CACNA1H: variants seen among roughly 807,000 people sequenced by gnomAD.
CACNA1H encodes the protein calcium voltage-gated channel subunit alpha1 H.
Under a neutral mutation model 192.5 loss-of-function variants are expected in CACNA1H, and 149 were observed. That is an observed-to-expected ratio of 0.77 (90% CI 0.68 to 0.89). The LOEUF (loss-of-function observed/expected upper bound fraction) is 0.89. Among genes scored for constraint, CACNA1H ranks in the 40% least tolerant of loss-of-function variants. The pLI, the probability that CACNA1H is intolerant of heterozygous loss-of-function variation, is 0.00. For synonymous variants in CACNA1H, 2,202 were observed against 1,475.2 expected, an observed-to-expected ratio of 1.49 and a Z score of -11.29; for missense variants, 4,257 against 3,423.5, an observed-to-expected ratio of 1.24 and a Z score of -6.08.
At position 1,211,474 on chromosome 16, in the gene CACNA1H, C is replaced by T. The variant is rs757005584; in HGVS notation, c.4351-7C>T. 10 of 1,612,288 alleles carry T rather than the reference C, an allele frequency of 6.2e-6. No homozygotes were observed. In the Admixed American group the frequency reaches 1.0e-4, roughly 16 times the overall value. The stretch of plus-strand genomic sequence containing the variant: ...GGCCCTCCGCGGTGACCGTCGCACC[C>T]CGTCAGCTCTTCAAAGGGAAGTTCT... On this transcript the variant is annotated splice_region_variant and splice_polypyrimidine_tract_variant and intron_variant, in intron 22 of 34. Coordinates refer to ENST00000348261, the MANE Select transcript of CACNA1H (RefSeq NM_021098.3).
At chr16:1,205,817 A>T (rs1329994407) in intron 11 of CACNA1H, among the ~76,000 whole-genome samples, 3 of 152,164 alleles carry the variant, frequency 2.0e-5, no homozygotes, top group African/African-American at 7.2e-5. Context: ...AAGGCCCAGG[A>T]TAGGAGAGCG....
chr16:1,213,731 A>G, intron 26 of CACNA1H, 49 bp from the exon 27 acceptor site: 2 of 1,429,972 alleles, frequency 1.4e-6, no homozygotes, highest in Non-Finnish European at 9.2e-7. Flanking sequence ...AGGAGCCAGG[A>G]GCGCCGGGCG....
chr16:1,177,243 C>G (rs911416840), intron 2 of CACNA1H, among the ~76,000 whole-genome samples: 2 of 152,218 alleles, frequency 1.3e-5, no homozygotes, highest in African/African-American at 4.8e-5. Flanking sequence ...CTGCTGTCCC[C>G]CAGGCCTCTC....
Position 1,213,852 on chromosome 16 carries a change from A to G in CACNA1H, c.4850A>G (p.His1617Arg), listed in dbSNP as rs1193717598. Reference sequence around the variant, plus strand: ...TCCATTCACTCGCTGTGCACCAGCCACTATCTCGACCTCTTCATCACCTTC... The same window carrying G: ...TCCATTCACTCGCTGTGCACCAGCCGCTATCTCGACCTCTTCATCACCTTC... Reference protein sequence around the residue: ...RRSIHSLCTSHYLDLFITFII... With the variant: ...RRSIHSLCTSRYLDLFITFII... Residue 1617 changes from histidine (H) to arginine (R), a missense_variant, in exon 27 of 35, where the codon CAC becomes CGC. Physicochemically the swap from His to Arg is conservative, Grantham distance 29. Transcript: ENST00000348261. 8 of 1,608,340 alleles carry G rather than the reference A, an allele frequency of 5.0e-6. No individual in the cohort carries two copies. The highest frequency in any genetic ancestry group is 6.8e-6 in the Non-Finnish European group (8 of 1,177,974).
At chr16:1,165,970 T>C (rs1397999009) in intron 2 of CACNA1H, among the ~76,000 whole-genome samples, 1 of 151,418 alleles carries the variant, frequency 6.6e-6, no homozygotes, top group East Asian at 1.9e-4. Flanking sequence ...CATCTTTTAA[T>C]TGTGGTGGCT....
At chr16:1,171,644 A>G (rs531169501) in intron 2 of CACNA1H, among the ~76,000 whole-genome samples, 6 of 152,182 alleles carry the variant, frequency 3.9e-5, no homozygotes, top group African/African-American at 1.4e-4. Flanking sequence ...CCAGTTTGCC[A>G]AGGCCGCCTG....
At chr16:1,154,682 G>C (rs1357577309) in intron 2 of CACNA1H, among the ~76,000 whole-genome samples, 1 of 152,186 alleles carries the variant, frequency 6.6e-6, no homozygotes, top group Non-Finnish European at 1.5e-5. Flanking sequence ...AATTGGCACT[G>C]CCAAGGGGGA....
chr16:1,203,514 T>G (rs1485252197), intron 9 of CACNA1H, among the ~76,000 whole-genome samples: 1 of 152,134 alleles, frequency 6.6e-6, no homozygotes, highest in Admixed American at 6.5e-5. Context: ...CCCAGGTGTG[T>G]GCCCAAATGT....
At chr16:1,211,324 G>A in intron 22 of CACNA1H, 30 bp downstream of exon 22, 2 of 1,612,156 alleles carry the variant, frequency 1.2e-6, no homozygotes. Flanking sequence ...CCGGGGGTCT[G>A]CCCCGTCGCA....
Position 1,215,364 on chromosome 16 carries a change from G to A in CACNA1H, c.5162G>A (p.Arg1721His), listed in dbSNP as rs747789914. The change falls in exon 29 of 35, where the codon CGC becomes CAC. Residue 1721 changes from arginine to histidine, a missense_variant. Coordinates refer to ENST00000348261, the MANE Select transcript of CACNA1H (RefSeq NM_021098.3). ...PTIIRIMRVL[R>H]IARVLKLLKM... ...ATCATCCGCATCATGCGCGTGCTTC[G>A]CATTGCCCGTGGTAGGTGCCCGCGT... is the stretch of plus-strand genomic sequence containing the variant. The A allele has an allele frequency of 1.9e-5, 30 of 1,609,640 alleles. No individual in the cohort carries two copies. The highest frequency in any genetic ancestry group is 5.0e-5 in the Admixed American group (3 of 59,816).
intron 2 of CACNA1H, among the ~76,000 whole-genome samples, chr16:1,172,169 C>T (rs960722908): frequency 6.6e-6 from 1 of 152,204 alleles, no homozygotes; most frequent in Non-Finnish European, 1.5e-5. Context: ...GTGTCAGGGG[C>T]GAGAGTGGCT....
At position 1,210,433 on chromosome 16, in the gene CACNA1H, C is replaced by T. The variant is rs1969298646; in HGVS notation, c.3909C>T (p.Phe1303=). The part of the protein sequence containing the change: ...HKMFDHVVLV[F]IFLNCVTIAL... Reference sequence around the variant, plus strand: ...TGTTTGATCACGTGGTCCTCGTCTTCATCTTCCTCAACTGCGTCACCATCG... The same window carrying T: ...TGTTTGATCACGTGGTCCTCGTCTTTATCTTCCTCAACTGCGTCACCATCG... Residue 1303 remains phenylalanine, a synonymous_variant, in exon 19 of 35, where the codon TTC becomes TTT. Coordinates refer to ENST00000348261, the MANE Select transcript of CACNA1H (RefSeq NM_021098.3). 2.5e-6 allele frequency: 4 copies of T among 1,581,826 alleles called. No individual in the cohort carries two copies. The highest frequency in any genetic ancestry group is 1.4e-5 in the African/African-American group (1 of 73,154).
At chr16:1,155,439 A>G (rs186733956) in intron 2 of CACNA1H, among the ~76,000 whole-genome samples, 1 of 152,272 alleles carries the variant, frequency 6.6e-6, no homozygotes, top group African/African-American at 2.4e-5. Context: ...TTGTTCTGGT[A>G]GGAGGTGACT....
In CACNA1H at chr16:1,206,041, T is replaced by G; in HGVS notation, c.2604-63T>G. On this transcript the variant is annotated intron_variant, in intron 11 of 34. Coordinates refer to ENST00000348261, the MANE Select transcript of CACNA1H (RefSeq NM_021098.3). ...CCCTGGCTGGTGACCCTGCTTCCAG[T>G]GGGACGAGGGCCTGGGGTCAGGGAT... 6 of 1,467,808 alleles carry G rather than the reference T, an allele frequency of 4.1e-6. No homozygotes were observed. In the South Asian group the frequency reaches 6.3e-5, roughly 15 times the overall value. The allele number at this position is 1,467,808 out of a possible 1,614,324, so 90.9% of individuals were successfully genotyped here.
chr16:1,203,894 G>A (rs1454488082), intron 9 of CACNA1H, 116 bp from the exon 10 acceptor site: 20 of 723,736 alleles, frequency 2.8e-5, no homozygotes, highest in South Asian at 7.6e-5. Context: ...TTGGACTCTG[G>A]ATGGATCTTT....
intron 2 of CACNA1H, among the ~76,000 whole-genome samples, chr16:1,176,618 C>T (rs901220824): frequency 2.6e-5 from 4 of 152,264 alleles, no homozygotes; most frequent in Admixed American, 6.5e-5. Flanking sequence ...CAAGGGGTTC[C>T]GGGTTTGTCT....
chr16:1,197,394 A>G (rs1476808017), intron 5 of CACNA1H, among the ~76,000 whole-genome samples: 1 of 152,216 alleles, frequency 6.6e-6, no homozygotes, highest in Non-Finnish European at 1.5e-5. Context: ...CCCAGCACAC[A>G]CAGCCCCTTC....
chr16:1,190,337 C>T (rs763615360), intron 2 of CACNA1H, among the ~76,000 whole-genome samples: 5 of 152,242 alleles, frequency 3.3e-5, no homozygotes, highest in Admixed American at 6.5e-5. Flanking sequence ...ATGATTAAGC[C>T]TCCAGAAGTC....
At chr16:1,187,744 GACGT>G (rs1966215408) in intron 2 of CACNA1H, among the ~76,000 whole-genome samples, 1 of 152,348 alleles carries the variant, frequency 6.6e-6, no homozygotes, top group South Asian at 2.1e-4. Flanking sequence ...CGCACCTGGA[GACGT>G]CCATCCCTTC....
Sources: gnomAD v4.1 joint callset for allele counts (sites outside exome capture counted in the v4.1 genomes callset) on GRCh38, gnomAD v4.1.1 for gene constraint, MANE v1.5 for transcripts, NCBI Gene and HGNC (gene_info 2026-07-23, HGNC 2026-07-21) for gene names.